Variants in ABHD12 observed in about 807,000 individuals in gnomAD.
ABHD12 encodes lysophosphatidylserine lipase ABHD12.
In ABHD12, 43 loss-of-function variants were observed where a neutral mutation model predicts 58.3. That is an observed-to-expected ratio of 0.74 (90% CI 0.58 to 0.95). The LOEUF (loss-of-function observed/expected upper bound fraction) is 0.95, where lower values mean the gene tolerates loss of function less well. Among genes scored for constraint, ABHD12 ranks in the 40% least tolerant of loss-of-function variants. ABHD12 has a pLI of 0.00. For synonymous variants in ABHD12, 219 were observed against 211.2 expected (o/e 1.04, Z -0.32); for missense variants, 539 against 537.2 (o/e 1.00, Z -0.03).
Position 25,323,495 on chromosome 20 carries a change from A to T in ABHD12, c.317-65T>A, listed in dbSNP as rs367984152. The stretch of plus-strand genomic sequence containing the variant: ...GATGAATACACACATGTACACACAA[A>T]CATGCATACTCACACACGTGCACAG... On this transcript the variant is annotated intron_variant, in intron 2 of 12. Transcript: ENST00000339157. The T allele has an allele frequency of 1.6e-4, 165 of 1,004,448 alleles. 1 individual carries two copies. Among genetic ancestry groups the T allele is most frequent in the East Asian group, 1.0e-3 (43 of 42,112 alleles). 62.2% of individuals were successfully genotyped at this position (1,004,448 alleles called of 1,614,324 possible). A position where few individuals can be genotyped will look rare whatever the true frequency, so the allele number is the denominator to read the frequency against.
chr20:25,384,274 T>C lies in ABHD12; in HGVS notation c.191+6239A>G, dbSNP rs559689656. The stretch of plus-strand genomic sequence containing the variant: ...AGTTGACCTATGAATGAGATAAATA[T>C]TTACCTTTAAAAATTATCTTTTGGC... On this transcript the variant is annotated intron_variant, in intron 1 of 12. Coordinates refer to ENST00000339157, the MANE Select transcript of ABHD12 (RefSeq NM_001042472.3). 2.6e-5 allele frequency among the ~76,000 whole-genome samples: 4 copies of C among 151,106 alleles called. No individual in the cohort carries two copies. In the South Asian group the frequency reaches 8.3e-4, roughly 31 times the overall value.
At chr20:25,319,437 T>C (rs1229719761) in intron 4 of ABHD12, among the ~76,000 whole-genome samples, 1 of 152,104 alleles carries the variant, frequency 6.6e-6, no homozygotes, top group African/African-American at 2.4e-5. Context: ...CACTGTAGGG[T>C]GGCCTGCAAA....
chr20:25,319,937 G>A (rs562907789), intron 4 of ABHD12, among the ~76,000 whole-genome samples: 5 of 152,326 alleles, frequency 3.3e-5, no homozygotes, highest in East Asian at 3.9e-4. Context: ...TGGTCCCCAC[G>A]GAACACAGCC....
chr20:25,339,386 A>G (rs2089424130), intron 1 of ABHD12, 35 bp from the exon 2 acceptor site: 2 of 1,613,814 alleles, frequency 1.2e-6, no homozygotes, highest in African/African-American at 1.3e-5. Context: ...GTCAGAAGGC[A>G]GTAGGTGCCA....
intron 1 of ABHD12, among the ~76,000 whole-genome samples, chr20:25,372,368 G>A (rs2089909733): frequency 6.6e-6 from 1 of 151,948 alleles, no homozygotes; most frequent in Admixed American, 6.6e-5. Context: ...TTGACTTTTC[G>A]TAAAGATGGA....
intron 1 of ABHD12, chr20:25,368,866 C>T (rs2089861123): frequency 2.2e-6 from 1 of 445,732 alleles, no homozygotes; most frequent in Non-Finnish European, 4.3e-6. Flanking sequence ...GTGGCTCATG[C>T]CTGTAATTCC....
chr20:25,339,800 G>A (rs965102579), intron 1 of ABHD12: 27 of 1,224,176 alleles, frequency 2.2e-5, no homozygotes, highest in Non-Finnish European at 2.8e-5. Context: ...GAAGCACGTA[G>A]ACCAAGGACA....
chr20:25,319,156 C>A (rs1315707713), intron 4 of ABHD12, among the ~76,000 whole-genome samples: 1 of 152,246 alleles, frequency 6.6e-6, no homozygotes, highest in African/African-American at 2.4e-5. Flanking sequence ...ACACGAAGAC[C>A]TTGGTGGTTT....
intron 1 of ABHD12, among the ~76,000 whole-genome samples, chr20:25,378,071 CG>C (rs2089981173): frequency 6.6e-6 from 1 of 152,118 alleles, no homozygotes; most frequent in Non-Finnish European, 1.5e-5. Context: ...ATGAAATTTT[CG>C]GGGACACATT....
intron 5 of ABHD12, among the ~76,000 whole-genome samples, chr20:25,315,824 T>C (rs887475471): frequency 6.6e-6 from 1 of 152,230 alleles, no homozygotes; most frequent in Non-Finnish European, 1.5e-5. Context: ...GAGCTGGGTG[T>C]GCCCCCGCCT....
intron 2 of ABHD12, among the ~76,000 whole-genome samples, chr20:25,324,171 A>G (rs971760335): frequency 2.6e-5 from 4 of 152,210 alleles, no homozygotes; most frequent in Admixed American, 1.3e-4. Context: ...TTAGACCTGG[A>G]GGAACCTCCA....
intron 1 of ABHD12, among the ~76,000 whole-genome samples, chr20:25,363,225 T>TC (rs1336486773): frequency 6.8e-6 from 1 of 147,446 alleles, no homozygotes; most frequent in Admixed American, 6.7e-5. Flanking sequence ...ATTTTACTTT[T>TC]TTTTTTTTTT....
intron 1 of ABHD12, among the ~76,000 whole-genome samples, chr20:25,345,086 C>CT (rs766065775): frequency 3.5e-3 from 503 of 145,156 alleles, no homozygotes; most frequent in African/African-American, 3.5e-3. Flanking sequence ...ATGACGAAGA[C>CT]TTTTTTTTTT....
At chr20:25,299,763 G>A (rs1156593895), downstream of ABHD12, among the ~76,000 whole-genome samples, 1 of 152,208 alleles carries the variant, frequency 6.6e-6, no homozygotes, top group East Asian at 1.9e-4. Flanking sequence ...TGTCTCTGGG[G>A]CCGTGGGTGG....
downstream of ABHD12, chr20:25,300,166 C>T (rs1303008892): frequency 3.0e-6 from 3 of 987,494 alleles, no homozygotes; most frequent in Non-Finnish European, 2.4e-6. Flanking sequence ...GGCTCTGGGG[C>T]ATGGAGGAGG....
chr20:25,385,820 C>T (rs1197427344), intron 1 of ABHD12, among the ~76,000 whole-genome samples: 3 of 151,924 alleles, frequency 2.0e-5, no homozygotes, highest in East Asian at 1.9e-4. Context: ...ATAAAATGGC[C>T]GGGTGCGGTG....
chr20:25,374,314 T>A (rs2089935838), intron 1 of ABHD12, among the ~76,000 whole-genome samples: 1 of 152,078 alleles, frequency 6.6e-6, no homozygotes, highest in African/African-American at 2.4e-5. Context: ...GGTTTCATGT[T>A]GAATAGTTGA....
At chr20:25,314,458 G>A (rs1440563891) in intron 6 of ABHD12, among the ~76,000 whole-genome samples, 1 of 151,946 alleles carries the variant, frequency 6.6e-6, no homozygotes, top group Non-Finnish European at 1.5e-5. Flanking sequence ...CAGGAGGATC[G>A]CTTGAGGCCA....
chr20:25,333,881 C>A (rs1203348563), intron 2 of ABHD12, among the ~76,000 whole-genome samples: 2 of 152,270 alleles, frequency 1.3e-5, no homozygotes, highest in Middle Eastern at 3.4e-3. Context: ...GGAAGCATTC[C>A]CTTTGAAAAC....
Sources: gnomAD v4.1 joint callset for allele counts (sites outside exome capture counted in the v4.1 genomes callset) on GRCh38, gnomAD v4.1.1 for gene constraint, MANE v1.5 for transcripts, NCBI Gene and HGNC (gene_info 2026-07-23, HGNC 2026-07-21) for gene names.